Variants in PTPRG observed in about 807,000 individuals in gnomAD.
PTPRG encodes protein tyrosine phosphatase receptor type G.
In PTPRG, 102 loss-of-function variants were observed where a neutral mutation model predicts 165.3. That is an observed-to-expected ratio of 0.62 (90% confidence interval 0.53 to 0.73). The LOEUF is 0.73. Among genes scored for constraint, PTPRG ranks in the 30% least tolerant of loss-of-function variants. The pLI, the probability that PTPRG is intolerant of heterozygous loss-of-function variation, is 0.00. For synonymous variants in PTPRG, 675 were observed against 669.5 expected, an observed-to-expected ratio of 1.01 and a Z score of -0.13; for missense variants, 1,866 against 1,861.4, an observed-to-expected ratio of 1.00 and a Z score of -0.05.
chr3:62,257,384 T>C (rs2106993568), intron 16 of PTPRG, among the ~76,000 whole-genome samples: 2 of 152,334 alleles, frequency 1.3e-5, no homozygotes, highest in South Asian at 4.1e-4. Flanking sequence ...AATTGTATTA[T>C]GGTAAGAGAG....
intron 13 of PTPRG, among the ~76,000 whole-genome samples, chr3:62,225,302 CAGAG>C (rs1198733075): frequency 1.3e-5 from 2 of 152,174 alleles, no homozygotes; most frequent in African/African-American, 2.4e-5. Flanking sequence ...TGCTGCCACT[CAGAG>C]AGAAGAGGAA....
intron 1 of PTPRG, among the ~76,000 whole-genome samples, chr3:61,705,697 C>A (rs746236260): frequency 1.3e-5 from 2 of 152,086 alleles, no homozygotes; most frequent in South Asian, 4.2e-4. Flanking sequence ...ATAGGCTGGT[C>A]CATTTGTTTC....
At chr3:62,191,827 A>T (rs1221258374) in intron 9 of PTPRG, among the ~76,000 whole-genome samples, 174 bp downstream of exon 9, 1 of 152,152 alleles carries the variant, frequency 6.6e-6, no homozygotes, top group Non-Finnish European at 1.5e-5. Context: ...AGGACAGTGG[A>T]TGGAGCCTGC....
At chr3:62,096,695 T>C (rs538142526) in intron 5 of PTPRG, among the ~76,000 whole-genome samples, 4 of 152,352 alleles carry the variant, frequency 2.6e-5, no homozygotes, top group Admixed American at 1.3e-4. Context: ...AAACAGTCCA[T>C]TGATGTCTAA....
intron 1 of PTPRG, among the ~76,000 whole-genome samples, chr3:61,728,678 A>G (rs2032361835): frequency 7.4e-6 from 1 of 135,702 alleles, no homozygotes; most frequent in South Asian, 2.3e-4. Flanking sequence ...AGAGCTATGT[A>G]TTTTTTTTGT....
chr3:62,273,023 A>T lies in PTPRG; in HGVS notation c.3260A>T (p.Asn1087Ile). The T allele has an allele frequency of 6.2e-7, 1 of 1,613,868 alleles. No homozygotes were observed. The highest frequency in any genetic ancestry group is 8.5e-7 in the Non-Finnish European group (1 of 1,179,848). The change falls in exon 22 of 30, where the codon AAC becomes ATC. Residue 1087 changes from asparagine to isoleucine, a missense_variant. Asn to Ile is a moderately radical substitution (Grantham distance 149). Transcript: ENST00000474889. This position sits in a 1 kb window ranked among gnomAD's most constrained non-coding sequence, Gnocchi z 4.1. ...CAGATAAAAGACAAAAGCACAGTTA[A>T]CGTCCTGGGATTCCTGAAGCATATC... Reference protein sequence around the residue: ...LQQIKDKSTVNVLGFLKHIRT... With the variant: ...LQQIKDKSTVIVLGFLKHIRT...
intron 2 of PTPRG, among the ~76,000 whole-genome samples, chr3:61,861,049 C>T (rs993330148): frequency 1.3e-5 from 2 of 152,126 alleles, no homozygotes; most frequent in African/African-American, 4.8e-5. Flanking sequence ...TAAAAGGAAT[C>T]ATAGAGTAAG....
chr3:61,672,032 C>T (rs1228143238), intron 1 of PTPRG, among the ~76,000 whole-genome samples: 1 of 133,520 alleles, frequency 7.5e-6, no homozygotes, highest in African/African-American at 3.0e-5. Context: ...AGGGTCTCCT[C>T]ACTTCTCAGA....
At chr3:61,960,928 C>G (rs1476833012) in intron 2 of PTPRG, among the ~76,000 whole-genome samples, 1 of 152,080 alleles carries the variant, frequency 6.6e-6, no homozygotes, top group Admixed American at 6.6e-5. Flanking sequence ...CTTCACTGAT[C>G]AGCTGTGTTA....
In PTPRG at chr3:61,892,770, C is replaced by T. The variant is rs146225552; in HGVS notation, c.191-96855C>T. ...GGGGGAGGTTGCAGTGAGCCGAGAT[C>T]GTGTCATTGCGCTCCAGCCTGAGCA... is the stretch of plus-strand genomic sequence containing the variant. On this transcript the variant is annotated intron_variant, in intron 2 of 29. Coordinates refer to ENST00000474889, the MANE Select transcript of PTPRG (RefSeq NM_002841.4). Among the ~76,000 whole-genome samples the T allele has an allele frequency of 8.4e-3, 1,261 of 150,890 alleles. 14 individuals carry two copies. The highest frequency in any genetic ancestry group is 0.027 in the African/African-American group (1,094 of 41,000).
chr3:62,006,296 A>G (rs999245992), intron 4 of PTPRG, among the ~76,000 whole-genome samples: 1 of 152,176 alleles, frequency 6.6e-6, no homozygotes, highest in African/African-American at 2.4e-5. Context: ...AGATTAAATA[A>G]CTGCATTAAA....
chr3:61,685,411 TACTG>T (rs768605021), intron 1 of PTPRG, among the ~76,000 whole-genome samples: 21 of 152,224 alleles, frequency 1.4e-4, no homozygotes, highest in Non-Finnish European at 2.9e-4. Context: ...GGGATGCAGA[TACTG>T]AGTTAGCAGT....
At chr3:62,263,111 G>C (rs1341761763) in intron 17 of PTPRG, 3 of 453,220 alleles carry the variant, frequency 6.6e-6, no homozygotes, top group African/African-American at 4.1e-5. Flanking sequence ...AGCTTAATAA[G>C]GTGACTGAAA....
chr3:61,956,576 T>C (rs1055686540), intron 2 of PTPRG, among the ~76,000 whole-genome samples: 2 of 152,140 alleles, frequency 1.3e-5, no homozygotes, highest in African/African-American at 4.8e-5. Flanking sequence ...CAAGAATTAA[T>C]TCAATTAGAT....
intron 2 of PTPRG, among the ~76,000 whole-genome samples, chr3:61,890,412 G>GTTTTTTTCTTTTTTTTTT (rs2038177961): frequency 1.0e-5 from 1 of 95,440 alleles, no homozygotes; most frequent in Non-Finnish European, 2.0e-5. Context: ...CTTGTTCTTT[G>GTTTTTTTCTTTTTTTTTT]TTTTTTTTTT....
At chr3:61,659,586 C>T (rs1021218939) in intron 1 of PTPRG, 6 of 444,688 alleles carry the variant, frequency 1.3e-5, no homozygotes, top group Non-Finnish European at 1.8e-5. Flanking sequence ...TGTCATGTTC[C>T]TTCTCTGAAG....
chr3:61,644,859 T>G (rs2106962639), intron 1 of PTPRG, among the ~76,000 whole-genome samples: 1 of 152,340 alleles, frequency 6.6e-6, no homozygotes, highest in Non-Finnish European at 1.5e-5. Context: ...GAACAGGCAA[T>G]ACACTCATTT....
chr3:61,924,518 A>G (rs6797184), intron 2 of PTPRG, among the ~76,000 whole-genome samples: 57,386 of 152,120 alleles, frequency 0.38, 11,631 homozygotes, highest in East Asian at 0.52. Context: ...CTTAATTACA[A>G]TTGGCACAAA....
chr3:61,699,087 G>A (rs755429343), intron 1 of PTPRG, among the ~76,000 whole-genome samples: 12 of 152,148 alleles, frequency 7.9e-5, no homozygotes, highest in East Asian at 7.7e-4. Flanking sequence ...GAGTTAATGG[G>A]TGCAGCACAG....
Sources: allele counts gnomAD v4.1 joint callset (sites outside exome capture counted in the v4.1 genomes callset), GRCh38; gene constraint gnomAD v4.1.1; non-coding constraint Gnocchi (gnomAD v3.1); transcripts MANE v1.5; gene names NCBI Gene and HGNC (gene_info 2026-07-23, HGNC 2026-07-21).